COL25A1: variants seen among roughly 807,000 people sequenced by gnomAD.
COL25A1 encodes the protein collagen type XXV alpha 1 chain.
COL25A1 carries 103 observed loss-of-function variants against 128.4 expected under a neutral mutation model. The observed-to-expected ratio is 0.80, with a 90% confidence interval of 0.68 to 0.94. The LOEUF (loss-of-function observed/expected upper bound fraction) is 0.94. Among genes scored for constraint, COL25A1 ranks in the 40% least tolerant of loss-of-function variants. The probability of loss-of-function intolerance (pLI) is 0.00; values close to 1 mark genes in which losing one functional copy is unlikely to be tolerated. For missense variants in COL25A1, 745 were observed against 840.0 expected (o/e 0.89, Z 1.40); for synonymous variants, 279 against 277.2 (o/e 1.01, Z -0.06).
intron 3 of COL25A1, among the ~76,000 whole-genome samples, chr4:109,295,897 C>T (rs571128276): frequency 6.6e-6 from 1 of 152,076 alleles, no homozygotes; most frequent in South Asian, 2.1e-4. Flanking sequence ...TCAGAAGTTA[C>T]CTAGTGTATC....
intron 24 of COL25A1, among the ~76,000 whole-genome samples, chr4:108,856,189 A>C (rs1476017700): frequency 6.6e-6 from 1 of 152,144 alleles, no homozygotes; most frequent in Non-Finnish European, 1.5e-5. Flanking sequence ...TTCATACTAG[A>C]GAACAGGTTT....
intron 3 of COL25A1, among the ~76,000 whole-genome samples, chr4:109,060,397 C>T (rs548107693): frequency 2.6e-5 from 4 of 152,280 alleles, no homozygotes; most frequent in African/African-American, 7.2e-5. Flanking sequence ...CCCTTGACCC[C>T]CACCTCATTG....
At chr4:108,987,686 C>T (rs964229255) in intron 6 of COL25A1, among the ~76,000 whole-genome samples, 1 of 152,026 alleles carries the variant, frequency 6.6e-6, no homozygotes, top group African/African-American at 2.4e-5. Flanking sequence ...GCATACCTTT[C>T]TTAAACGTCT....
intron 8 of COL25A1, among the ~76,000 whole-genome samples, chr4:108,970,762 A>G (rs1350721189): frequency 6.6e-6 from 1 of 152,172 alleles, no homozygotes; most frequent in African/African-American, 2.4e-5. Flanking sequence ...CTATGTATTC[A>G]ACTTCTAAAA....
At chr4:109,139,779 C>G (rs888211453) in intron 3 of COL25A1, among the ~76,000 whole-genome samples, 2 of 152,002 alleles carry the variant, frequency 1.3e-5, no homozygotes, top group Admixed American at 1.3e-4. Context: ...TCCATTAACT[C>G]GTCATTTAAC....
At chr4:109,165,283 C>T (rs777474809) in intron 3 of COL25A1, among the ~76,000 whole-genome samples, 1 of 152,064 alleles carries the variant, frequency 6.6e-6, no homozygotes, top group Non-Finnish European at 1.5e-5. Context: ...TAAGAAAAAA[C>T]TTCTTAGCTA....
chr4:109,176,952 G>C (rs1774162409), intron 3 of COL25A1, among the ~76,000 whole-genome samples: 1 of 152,292 alleles, frequency 6.6e-6, no homozygotes, highest in South Asian at 2.1e-4. Context: ...CCTGACTGTA[G>C]ACTGCTGGCC....
intron 3 of COL25A1, among the ~76,000 whole-genome samples, chr4:109,123,540 A>G (rs1432068302): frequency 6.6e-6 from 1 of 151,688 alleles, no homozygotes; most frequent in Non-Finnish European, 1.5e-5. Context: ...AGGTAAATTA[A>G]TAACTACATG....
chr4:109,170,554 C>T (rs1313686992), intron 3 of COL25A1, among the ~76,000 whole-genome samples: 2 of 151,962 alleles, frequency 1.3e-5, no homozygotes, highest in Admixed American at 1.3e-4. Flanking sequence ...AAAATCTGAA[C>T]TTATTCTAAC....
chr4:109,274,128 G>A (rs79536639), intron 3 of COL25A1, among the ~76,000 whole-genome samples: 3,619 of 152,020 alleles, frequency 0.024, 153 homozygotes, highest in African/African-American at 0.079. Flanking sequence ...ATATTCCTTT[G>A]TATATACATT....
chr4:109,104,667 A>G (rs1766240440), intron 3 of COL25A1, among the ~76,000 whole-genome samples: 1 of 152,190 alleles, frequency 6.6e-6, no homozygotes, highest in Non-Finnish European at 1.5e-5. Flanking sequence ...ATGTAACAAC[A>G]AAATCTGGAA....
At chr4:108,851,829 C>G (rs553572425) in intron 26 of COL25A1, among the ~76,000 whole-genome samples, 3 of 152,144 alleles carry the variant, frequency 2.0e-5, no homozygotes, top group Admixed American at 2.0e-4. Context: ...TTTTCTTACT[C>G]TTTTTACTAT....
chr4:108,894,348 C>T (rs973829), intron 16 of COL25A1, among the ~76,000 whole-genome samples: 81,118 of 151,856 alleles, frequency 0.53, 23,107 homozygotes, highest in East Asian at 1. Flanking sequence ...ATTGTTCAGA[C>T]GTAGTATAAA....
chr4:108,883,365 T>C (rs1349616197), intron 19 of COL25A1, among the ~76,000 whole-genome samples: 1 of 151,808 alleles, frequency 6.6e-6, no homozygotes, highest in African/African-American at 2.4e-5. Context: ...ACAACAGAGA[T>C]TGATTCAAAA....
chr4:108,886,405 C>T (rs2125838718), intron 18 of COL25A1, among the ~76,000 whole-genome samples: 1 of 151,164 alleles, frequency 6.6e-6, no homozygotes, highest in African/African-American at 2.4e-5. Context: ...TATGGCCCAA[C>T]ACAAATTTAT....
chr4:108,894,177 CTT>C (rs1195713706), intron 16 of COL25A1, among the ~76,000 whole-genome samples: 1 of 151,988 alleles, frequency 6.6e-6, no homozygotes, highest in Non-Finnish European at 1.5e-5. Flanking sequence ...TGAACTTGGT[CTT>C]TTCAAAGAAA....
chr4:109,260,518 C>T (rs964102512), intron 3 of COL25A1, among the ~76,000 whole-genome samples: 1 of 151,646 alleles, frequency 6.6e-6, no homozygotes, highest in Admixed American at 6.6e-5. Flanking sequence ...TTTTTTGAGG[C>T]GGAGTCTCTC....
chr4:108,903,743 T>C (rs1027678783), intron 13 of COL25A1, among the ~76,000 whole-genome samples: 4 of 152,086 alleles, frequency 2.6e-5, no homozygotes, highest in African/African-American at 9.6e-5. Flanking sequence ...ATTGCTTTTA[T>C]AGGCATCCAC....
intron 3 of COL25A1, among the ~76,000 whole-genome samples, chr4:109,138,053 G>A (rs151014693): frequency 6.7e-6 from 1 of 149,428 alleles, no homozygotes; most frequent in East Asian, 2.0e-4. Flanking sequence ...TTGCTACATA[G>A]GTATACACGT....
Sources: gnomAD v4.1 joint callset for allele counts (sites outside exome capture counted in the v4.1 genomes callset) on GRCh38, gnomAD v4.1.1 for gene constraint, MANE v1.5 for transcripts, NCBI Gene and HGNC (gene_info 2026-07-23, HGNC 2026-07-21) for gene names.